GATAD2A: variants seen among roughly 807,000 people sequenced by gnomAD.
The protein encoded by GATAD2A is GATA zinc finger domain containing 2A.
GATAD2A carries 12 observed loss-of-function variants against 68.5 expected under a neutral mutation model. The ratio of observed to expected loss-of-function variants is 0.18; its 90% CI spans 0.11 to 0.28. The LOEUF (loss-of-function observed/expected upper bound fraction) is 0.28. Among genes scored for constraint, GATAD2A ranks in the 10% least tolerant of loss-of-function variants. GATAD2A has a pLI of 1.00. For missense variants in GATAD2A, 755 were observed against 868.5 expected (o/e 0.87, Z 1.64); for synonymous variants, 410 against 375.3 (o/e 1.09, Z -1.07).
chr19:19,455,351 G>A (rs147904356), intron 1 of GATAD2A, among the ~76,000 whole-genome samples: 2,478 of 152,086 alleles, frequency 0.016, 81 homozygotes, highest in South Asian at 0.085. Context: ...TTAGCCAGGC[G>A]TGGTGGCATG....
chr19:19,429,221 A>G (rs1476233932), intron 1 of GATAD2A: 1 of 985,102 alleles, frequency 1.0e-6, no homozygotes, highest in East Asian at 1.1e-4. Flanking sequence ...TTTCAGCAAA[A>G]AGTTCCAGCA....
intron 2 of GATAD2A, chr19:19,472,742 C>T (rs906017890): frequency 6.6e-6 from 1 of 152,008 alleles, no homozygotes. Context: ...CCTCAGTCAC[C>T]TTGGGCCTGC....
intron 1 of GATAD2A, among the ~76,000 whole-genome samples, chr19:19,440,997 TCCTTC>T: frequency 7.1e-6 from 1 of 140,766 alleles, no homozygotes; most frequent in African/African-American, 2.7e-5. Flanking sequence ...TTCCTTCCCT[TCCTTC>T]CCTTCCTTCC....
chr19:19,412,557 G>A (rs1408537035), intron 1 of GATAD2A, among the ~76,000 whole-genome samples: 1 of 152,012 alleles, frequency 6.6e-6, no homozygotes, highest in Non-Finnish European at 1.5e-5. Context: ...GGTTGAGCCT[G>A]GGAGGTTGAA....
At chr19:19,396,952 C>A (rs1235086885) in intron 1 of GATAD2A, among the ~76,000 whole-genome samples, 10 of 152,086 alleles carry the variant, frequency 6.6e-5, no homozygotes, top group Admixed American at 1.3e-4. Context: ...CGTAATCTGC[C>A]CAACTCAGCA....
intron 2 of GATAD2A, among the ~76,000 whole-genome samples, chr19:19,487,537 A>G (rs2148334293): frequency 6.6e-6 from 1 of 152,060 alleles, no homozygotes. Flanking sequence ...GCTAAGGAAC[A>G]CAGACCCACC....
chr19:19,473,967 A>G (rs889412806), intron 2 of GATAD2A: 2 of 845,130 alleles, frequency 2.4e-6, no homozygotes, highest in South Asian at 5.4e-5. Flanking sequence ...AACAACACAT[A>G]TTAACACCCA....
At chr19:19,450,696 G>C (rs1344000087) in intron 1 of GATAD2A, among the ~76,000 whole-genome samples, 7 of 149,742 alleles carry the variant, frequency 4.7e-5, no homozygotes, top group Admixed American at 4.7e-4. Context: ...ATACAAGTGT[G>C]GCCTCTGTAC....
chr19:19,502,601 C>A (rs2060610260), intron 11 of GATAD2A, 75 bp downstream of exon 11: 2 of 1,193,884 alleles, frequency 1.7e-6, no homozygotes, highest in African/African-American at 1.5e-5. Flanking sequence ...GAAACAGAGG[C>A]ACATGTGCAG....
chr19:19,469,760 A>T (rs1020917491), intron 2 of GATAD2A, among the ~76,000 whole-genome samples: 1 of 152,134 alleles, frequency 6.6e-6, no homozygotes, highest in Non-Finnish European at 1.5e-5. Context: ...GCCCCTGGCC[A>T]ATATGGTGAA....
chr19:19,485,174 C>G (rs2059351570), intron 2 of GATAD2A, among the ~76,000 whole-genome samples: 2 of 152,232 alleles, frequency 1.3e-5, no homozygotes, highest in South Asian at 2.1e-4. Context: ...TTTCCCCCTT[C>G]TCTTTCCCTG....
chr19:19,502,548 C>T, intron 11 of GATAD2A, 22 bp downstream of exon 11: 2 of 1,559,818 alleles, frequency 1.3e-6, no homozygotes, highest in East Asian at 2.2e-5. Flanking sequence ...CCACAGGGCT[C>T]CCCAGGGGAC....
At chr19:19,502,274 C>G (rs1357615928) in intron 10 of GATAD2A, 57 bp from the exon 11 acceptor site, 6 of 1,353,278 alleles carry the variant, frequency 4.4e-6, no homozygotes, top group South Asian at 3.8e-5. Flanking sequence ...CGCTGAGTGT[C>G]TCGCCTGCTG....
intron 5 of GATAD2A, 98 bp from the exon 6 acceptor site, chr19:19,495,653 AAAC>A: frequency 9.2e-7 from 1 of 1,089,162 alleles, no homozygotes; most frequent in Non-Finnish European, 1.3e-6. Context: ...AAAAAAAAAA[AAAC>A]TAGTATGTAC....
intron 1 of GATAD2A, among the ~76,000 whole-genome samples, chr19:19,447,627 C>T (rs953077283): frequency 2.0e-5 from 3 of 152,208 alleles, no homozygotes; most frequent in African/African-American, 4.8e-5. Flanking sequence ...GGTAGACCCA[C>T]GGGCTGGGGC....
chr19:19,498,381 C>T (rs988435308), intron 7 of GATAD2A, 62 bp from the exon 8 acceptor site: 7 of 1,514,510 alleles, frequency 4.6e-6, no homozygotes, highest in Non-Finnish European at 6.3e-6. Context: ...CTTCGGGGCG[C>T]TGGGGAGCCT....
chr19:19,435,016 G>A (rs775274536), intron 1 of GATAD2A: 7 of 485,572 alleles, frequency 1.4e-5, no homozygotes, highest in Non-Finnish European at 2.6e-5. Context: ...ATGATGGTGA[G>A]GAGGTTACAT....
chr19:19,463,325 T>C (rs2032665398), intron 1 of GATAD2A, among the ~76,000 whole-genome samples: 1 of 152,112 alleles, frequency 6.6e-6, no homozygotes, highest in Admixed American at 6.5e-5. Flanking sequence ...TAGTGAGCAG[T>C]TCAGATGGGG....
chr19:19,445,227 T>G (rs2055574260), intron 1 of GATAD2A, among the ~76,000 whole-genome samples: 1 of 152,106 alleles, frequency 6.6e-6, no homozygotes, highest in Admixed American at 6.5e-5. Context: ...GCAGTGTGGT[T>G]GTTTGGGGTC....
Sources: gnomAD v4.1 joint callset for allele counts (sites outside exome capture counted in the v4.1 genomes callset) on GRCh38, gnomAD v4.1.1 for gene constraint, MANE v1.5 for transcripts, NCBI Gene and HGNC (gene_info 2026-07-23, HGNC 2026-07-21) for gene names.